The following KRABD4 variants were observed in gnomAD, a reference collection of about 807,000 sequenced individuals.
KRABD4 encodes the protein KRAB domain containing 4.
At chrX:46,464,304 G>A in the KRABD4 span, among the ~76,000 whole-genome samples, 1 of 112,026 alleles carries the variant, frequency 8.9e-6, no homozygotes, top group African/African-American at 3.2e-5. Context: ...TCCCTGCCTG[G>A]GCATTGTTGG....
chrX:46,462,445 G>C, the KRABD4 span: 1 of 273,093 alleles, frequency 3.7e-6, no homozygotes, highest in Non-Finnish European at 6.6e-6. Context: ...GGGAGGCAGA[G>C]GTTGCAATGA....
the KRABD4 span, chrX:46,457,192 A>G: frequency 2.0e-5 from 5 of 244,555 alleles, no homozygotes; most frequent in South Asian, 1.3e-4. Context: ...TCAAACTCCA[A>G]TGTCATCCTT....
the KRABD4 span, among the ~76,000 whole-genome samples, chrX:46,469,490 T>A: frequency 8.9e-6 from 1 of 112,266 alleles, no homozygotes; most frequent in Non-Finnish European, 1.9e-5. Context: ...TATTTCATTT[T>A]CCTATTGCTC....
the KRABD4 span, among the ~76,000 whole-genome samples, chrX:46,450,860 G>A: frequency 7.3e-5 from 8 of 109,328 alleles, no homozygotes; most frequent in Non-Finnish European, 1.3e-4. Flanking sequence ...CTGCCACCAC[G>A]CCTGGCTAAT....
the KRABD4 span, among the ~76,000 whole-genome samples, chrX:46,468,301 G>A: frequency 1.8e-5 from 2 of 111,209 alleles, no homozygotes; most frequent in Non-Finnish European, 3.8e-5. Context: ...TTGGGAGGCT[G>A]AGGCAGGAGG....
At chrX:46,463,889 C>T in the KRABD4 span, among the ~76,000 whole-genome samples, 1 of 110,869 alleles carries the variant, frequency 9.0e-6, no homozygotes, top group Non-Finnish European at 1.9e-5. Flanking sequence ...CCTGCTTTCA[C>T]TTTGTGGTTA....
chrX:46,463,429 A>G, the KRABD4 span: 1 of 631,537 alleles, frequency 1.6e-6, no homozygotes, highest in Non-Finnish European at 2.6e-6. Context: ...GATGAGCAGA[A>G]CTGTTGTCAT....
At chrX:46,463,334 C>T in the KRABD4 span, 1 of 1,188,433 alleles carries the variant, frequency 8.4e-7, no homozygotes, top group Non-Finnish European at 1.1e-6. Flanking sequence ...GAAAGGAGAC[C>T]AGGTTGGTTG....
the KRABD4 span, among the ~76,000 whole-genome samples, chrX:46,459,052 C>T: frequency 1.8e-5 from 2 of 111,953 alleles, no homozygotes; most frequent in African/African-American, 6.5e-5. Flanking sequence ...GTGACTCACA[C>T]CTGTAATCCC....
chrX:46,450,984 G>T, the KRABD4 span, among the ~76,000 whole-genome samples: 19 of 111,192 alleles, frequency 1.7e-4, no homozygotes, highest in East Asian at 2.0e-3. Flanking sequence ...TTACAGGCGC[G>T]AGCCACCATG....
At chrX:46,466,743 T>C in the KRABD4 span, among the ~76,000 whole-genome samples, 13 of 112,707 alleles carry the variant, frequency 1.2e-4, no homozygotes, top group Non-Finnish European at 2.1e-4. Context: ...GCATTCCTTT[T>C]ATTTTTTCAA....
At chrX:46,466,222 G>A in the KRABD4 span, among the ~76,000 whole-genome samples, 3 of 111,611 alleles carry the variant, frequency 2.7e-5, no homozygotes, top group Non-Finnish European at 3.8e-5. Context: ...CCATTTTTCT[G>A]TTTTATTGAT....
the KRABD4 span, among the ~76,000 whole-genome samples, chrX:46,452,523 T>C: frequency 1.8e-5 from 2 of 111,407 alleles, no homozygotes; most frequent in Admixed American, 1.9e-4. Context: ...AATAAAATTA[T>C]CCAGTGTTTA....
At chrX:46,467,743 A>G in the KRABD4 span, among the ~76,000 whole-genome samples, 252 of 111,050 alleles carry the variant, frequency 2.3e-3, no homozygotes, top group Middle Eastern at 4.6e-3. Flanking sequence ...TGCCATCTGT[A>G]TATGTTCTGT....
At chrX:46,449,351 C>T in the KRABD4 span, among the ~76,000 whole-genome samples, 1 of 111,797 alleles carries the variant, frequency 8.9e-6, no homozygotes, top group South Asian at 3.7e-4. Flanking sequence ...GGGCTCCTTC[C>T]TCCAAACCAC....
At chrX:46,454,173 A>G in the KRABD4 span, 1 of 166,568 alleles carries the variant, frequency 6.0e-6, no homozygotes, top group Non-Finnish European at 1.3e-5. Flanking sequence ...GGTAAAGGAG[A>G]GAGATCTAGC....
chrX:46,449,272 T>G, the KRABD4 span, among the ~76,000 whole-genome samples: 1 of 111,014 alleles, frequency 9.0e-6, no homozygotes, highest in Admixed American at 9.5e-5. Flanking sequence ...CTCACAGAAC[T>G]GACAGTGCTG....
the KRABD4 span, chrX:46,462,786 C>A: frequency 1.7e-6 from 2 of 1,211,660 alleles, no homozygotes; most frequent in Non-Finnish European, 1.1e-6. Context: ...TGGACTTCAC[C>A]CTGGAGGAGT....
At chrX:46,462,930 T>C in the KRABD4 span, 5 of 1,193,534 alleles carry the variant, frequency 4.2e-6, no homozygotes, top group African/African-American at 8.8e-5. Flanking sequence ...TGTTTCTTTC[T>C]CAGCTGCTCC....
Sources: allele counts gnomAD v4.1 joint callset (sites outside exome capture counted in the v4.1 genomes callset), GRCh38; gene constraint gnomAD v4.1.1; transcripts MANE v1.5; gene names NCBI Gene and HGNC (gene_info 2026-07-23, HGNC 2026-07-21).